The following SLC19A1 variants were observed in gnomAD, a reference collection of about 807,000 sequenced individuals.
SLC19A1 encodes reduced folate transporter.
In SLC19A1, 37 loss-of-function variants were observed where a neutral mutation model predicts 35.3. The observed-to-expected ratio is 1.05, with a 90% CI of 0.81 to 1.38. SLC19A1 has a LOEUF of 1.38. Among genes scored for constraint, SLC19A1 ranks in the 40% most tolerant of loss-of-function variants. The pLI, the probability that SLC19A1 is intolerant of heterozygous loss-of-function variation, is 0.00. For missense variants in SLC19A1, 831 were observed against 826.9 expected, an observed-to-expected ratio of 1.00 and a Z score of -0.06; for synonymous variants, 460 against 398.5, an observed-to-expected ratio of 1.15 and a Z score of -1.84.
intron 3 of SLC19A1, among the ~76,000 whole-genome samples, chr21:45,503,483 G>GT (rs1417514192): frequency 2.6e-5 from 4 of 151,982 alleles, no homozygotes; most frequent in Non-Finnish European, 4.4e-5. Flanking sequence ...CATGTCCTTT[G>GT]TAGGGACATG....
At chr21:45,557,554 T>C (rs949000615) in intron 1 of SLC19A1, among the ~76,000 whole-genome samples, 1 of 152,112 alleles carries the variant, frequency 6.6e-6, no homozygotes. Flanking sequence ...CAGTGGTTCA[T>C]GGCCAGAGCA....
exon 1 of SLC19A1, among the ~76,000 whole-genome samples, chr21:45,562,879 A>C (rs2078627818): frequency 6.6e-6 from 1 of 152,202 alleles, no homozygotes; most frequent in South Asian, 2.1e-4. Flanking sequence ...TGAATGGATC[A>C]GAGGGGAAGG....
At chr21:45,507,320 G>A (rs2037272084) in intron 3 of SLC19A1, 1 of 589,274 alleles carries the variant, frequency 1.7e-6, no homozygotes, top group South Asian at 1.8e-5. Context: ...ACCCTCCTGT[G>A]GGCTGGCAGG....
In SLC19A1 at chr21:45,515,438, C is replaced by G. The variant is rs948842579; in HGVS notation, c.*220G>C. The G allele has an allele frequency of 5.5e-6, 8 of 1,458,182 alleles. No individual in the cohort carries two copies. The highest frequency in any genetic ancestry group is 7.2e-6 in the Non-Finnish European group (8 of 1,115,412). The allele number at this position is 1,458,182 out of a possible 1,614,324, so 90.3% of individuals were successfully genotyped here. A position where few individuals can be genotyped will look rare whatever the true frequency, so the allele number is the denominator to read the frequency against. On this transcript the variant is annotated 3_prime_UTR_variant, in exon 6 of 6. Coordinates refer to ENST00000311124, the MANE Select transcript of SLC19A1 (RefSeq NM_194255.4). Reference sequence around the variant, plus strand: ...CCACCTCTTCCAGCAACAAAGCCCGCGGGGCACAGTGCAGGGACAGCATGG... The same window carrying G: ...CCACCTCTTCCAGCAACAAAGCCCGGGGGGCACAGTGCAGGGACAGCATGG...
chr21:45,510,838 C>T (rs903165883), downstream of SLC19A1, among the ~76,000 whole-genome samples: 24 of 152,110 alleles, frequency 1.6e-4, 1 homozygote, highest in African/African-American at 5.3e-4. Context: ...TAGCCAAGGC[C>T]TCTTGGGGTC....
downstream of SLC19A1, chr21:45,507,638 T>TGAG: frequency 6.4e-7 from 1 of 1,571,806 alleles, no homozygotes; most frequent in Non-Finnish European, 8.7e-7. Context: ...GGTCAGGACA[T>TGAG]GAGGGGGTAT....
At chr21:45,545,042 T>A (rs2078399123), upstream of SLC19A1, among the ~76,000 whole-genome samples, 1 of 152,208 alleles carries the variant, frequency 6.6e-6, no homozygotes. Context: ...GTGGTGGCTG[T>A]GGCTCTGGAA....
At chr21:45,519,219 C>CAT (rs576308708) in intron 5 of SLC19A1, among the ~76,000 whole-genome samples, 44 of 152,004 alleles carry the variant, frequency 2.9e-4, no homozygotes, top group Admixed American at 2.4e-3. Flanking sequence ...ATAAACCAAA[C>CAT]AAAATTCTAA....
chr21:45,529,283 G>T (rs886218140), intron 4 of SLC19A1, among the ~76,000 whole-genome samples: 15 of 152,256 alleles, frequency 9.9e-5, no homozygotes, highest in African/African-American at 3.6e-4. Context: ...GGATGCTGCA[G>T]GGGTGAGGCC....
downstream of SLC19A1, chr21:45,509,579 G>T: frequency 6.6e-7 from 1 of 1,524,420 alleles, no homozygotes. Context: ...CCCGCCCACA[G>T]CCACCGCGAC....
At chr21:45,549,994 C>T (rs1046773565) in intron 1 of SLC19A1, among the ~76,000 whole-genome samples, 3 of 152,044 alleles carry the variant, frequency 2.0e-5, no homozygotes, top group African/African-American at 7.3e-5. Flanking sequence ...GCTGCAGAGC[C>T]CCGAACTCTC....
chr21:45,530,821 G>A lies in SLC19A1; in HGVS notation c.1100C>T (p.Ala367Val), dbSNP rs368452775. The change falls in exon 4 of 6, where the codon GCG (alanine) becomes GTG (valine). Residue 367 changes from alanine to valine, a missense_variant. By Grantham distance (64) the Ala-to-Val change is moderately conservative (BLOSUM62 0). Transcript: ENST00000311124. The surrounding 1 kb of genome is among the most constrained non-coding windows in gnomAD (Gnocchi z 5.3). ...GGAGCCGCGGAACAGCACGAAGGCC[G>A]CATAGCACAGCCAGATGCTGCTCGG... is the stretch of plus-strand genomic sequence containing the variant. ...RHPSSIWLCY[A>V]AFVLFRGSYQ... 9.7e-5 allele frequency: 151 copies of A among 1,553,024 alleles called. No homozygotes were observed. The highest frequency in any genetic ancestry group is 1.2e-4 in the African/African-American group (9 of 72,582).
At chr21:45,509,264 G>A, downstream of SLC19A1, 1 of 1,505,532 alleles carries the variant, frequency 6.6e-7, no homozygotes, top group Non-Finnish European at 8.9e-7. Flanking sequence ...TCAGAGCCCA[G>A]CCCCTCTCAC....
At chr21:45,535,547 C>T (rs1445466409) in intron 2 of SLC19A1, among the ~76,000 whole-genome samples, 1 of 152,194 alleles carries the variant, frequency 6.6e-6, no homozygotes, top group African/African-American at 2.4e-5. Context: ...GCCAGACGGC[C>T]GGCGCTCAGC....
In SLC19A1 at chr21:45,530,408, G is replaced by C. The variant is rs1268473660; in HGVS notation, c.1151+362C>G. Among the ~76,000 whole-genome samples, 1 of 152,112 alleles carries C rather than the reference G, an allele frequency of 6.6e-6. No individual in the cohort carries two copies. Among genetic ancestry groups the C allele is most frequent in the Non-Finnish European group, 1.5e-5 (1 of 68,022 alleles). ...AGCGTGTGGTGTGTGTGTGGTGTGAGTGCCTGGTGTGAGTGTAAGCTGAGG... is the reference window on the plus strand; with the variant it reads ...AGCGTGTGGTGTGTGTGTGGTGTGACTGCCTGGTGTGAGTGTAAGCTGAGG... On this transcript the variant is annotated intron_variant, in intron 4 of 5. Transcript: ENST00000311124. The surrounding 1 kb of genome is among the most constrained non-coding windows in gnomAD (Gnocchi z 5.3).
chr21:45,529,030 T>C (rs2077751302), intron 4 of SLC19A1, among the ~76,000 whole-genome samples: 1 of 152,238 alleles, frequency 6.6e-6, no homozygotes, highest in Admixed American at 6.5e-5. Context: ...CCTGGCCCTT[T>C]CCACAGTGCT....
chr21:45,535,004 G>A (rs1366267559), intron 2 of SLC19A1, among the ~76,000 whole-genome samples: 3 of 152,290 alleles, frequency 2.0e-5, no homozygotes, highest in Non-Finnish European at 4.4e-5. Flanking sequence ...CTCTGAACAG[G>A]GAGGCGGGAA....
In SLC19A1 at chr21:45,525,973, C is replaced by T. The variant is rs768880565; in HGVS notation, c.1152-15G>A. 75 of 1,611,346 alleles carry T rather than the reference C, an allele frequency of 4.7e-5. No homozygotes were observed. The highest frequency in any genetic ancestry group is 5.7e-5 in the Non-Finnish European group (67 of 1,178,944). ...CAATCTGAAAGCTGAACGGGAAGAG[C>T]GGGCAGATCAGGCGCTGCTGGGAGA... is the stretch of plus-strand genomic sequence containing the variant. On this transcript the variant is annotated splice_polypyrimidine_tract_variant and intron_variant, in intron 4 of 5. Transcript: ENST00000311124.
chr21:45,509,969 T>C, downstream of SLC19A1: 1 of 1,406,096 alleles, frequency 7.1e-7, no homozygotes, highest in East Asian at 2.5e-5. Flanking sequence ...CGGCCGTGCC[T>C]GTCCACACAG....
Sources: gnomAD v4.1 joint callset for allele counts (sites outside exome capture counted in the v4.1 genomes callset) on GRCh38, gnomAD v4.1.1 for gene constraint, Gnocchi (gnomAD v3.1) non-coding constraint, MANE v1.5 for transcripts, NCBI Gene and HGNC (gene_info 2026-07-23, HGNC 2026-07-21) for gene names.